WWP2: variants seen among roughly 807,000 people sequenced by gnomAD.
WWP2 encodes the protein WW domain containing E3 ubiquitin protein ligase 2.
Under a neutral mutation model 121.0 loss-of-function variants are expected in WWP2, and 57 were observed. That is an observed-to-expected ratio of 0.47 (90% CI 0.38 to 0.59). The LOEUF (loss-of-function observed/expected upper bound fraction) is 0.59. Among genes scored for constraint, WWP2 ranks in the 20% least tolerant of loss-of-function variants. The pLI, the probability that WWP2 is intolerant of heterozygous loss-of-function variation, is 0.00. For missense variants in WWP2, 962 were observed against 1,158.9 expected (o/e 0.83, Z 2.47); for synonymous variants, 449 against 441.3 (o/e 1.02, Z -0.22).
intron 10 of WWP2, chr16:69,924,999 C>T (rs530973832): frequency 8.1e-6 from 8 of 991,648 alleles, no homozygotes; most frequent in East Asian, 1.1e-4. Context: ...TCCCCTCCTG[C>T]GTGTGGTTCT....
intron 8 of WWP2, among the ~76,000 whole-genome samples, chr16:69,906,194 T>C (rs545148010): frequency 6.6e-6 from 1 of 152,078 alleles, no homozygotes; most frequent in East Asian, 1.9e-4. Context: ...TCCCTCAGCC[T>C]CCCAAGTAGC....
chr16:69,892,044 C>T (rs1030344864), intron 8 of WWP2, among the ~76,000 whole-genome samples: 4 of 152,138 alleles, frequency 2.6e-5, no homozygotes, highest in East Asian at 1.9e-4. Context: ...AGGTGCCATA[C>T]GGGCAGGGAT....
intron 6 of WWP2, among the ~76,000 whole-genome samples, chr16:69,862,214 C>T (rs150730784): frequency 0.015 from 2,270 of 152,100 alleles, 58 homozygotes; most frequent in African/African-American, 0.051. Flanking sequence ...TACAGGCATT[C>T]GCCACCATGC....
At chr16:69,773,387 C>T (rs775427221) in intron 1 of WWP2, among the ~76,000 whole-genome samples, 1 of 152,106 alleles carries the variant, frequency 6.6e-6, no homozygotes, top group African/African-American at 2.4e-5. Context: ...CTATGTTGGC[C>T]GGGCTGATCT....
intron 3 of WWP2, 44 bp downstream of exon 3, chr16:69,798,873 A>G: frequency 6.2e-7 from 1 of 1,605,902 alleles, no homozygotes; most frequent in Non-Finnish European, 8.5e-7. Flanking sequence ...AGATGGGGAA[A>G]GAGAGAGGGT....
At chr16:69,768,233 G>T (rs550370957) in intron 1 of WWP2, among the ~76,000 whole-genome samples, 13 of 152,130 alleles carry the variant, frequency 8.5e-5, no homozygotes, top group Non-Finnish European at 1.8e-4. Flanking sequence ...TTTTTAGAAG[G>T]TTGCAGTTCC....
At chr16:69,777,216 ATG>A (rs2055553463) in intron 1 of WWP2, among the ~76,000 whole-genome samples, 1 of 148,948 alleles carries the variant, frequency 6.7e-6, no homozygotes, top group African/African-American at 2.6e-5. Context: ...GATATCATAT[ATG>A]CACCTATTAA....
At chr16:69,765,749 G>A (rs889974079) in intron 1 of WWP2, among the ~76,000 whole-genome samples, 3 of 152,108 alleles carry the variant, frequency 2.0e-5, no homozygotes, top group African/African-American at 7.2e-5. Context: ...GCTTGAGCTC[G>A]GGAGATGGAG....
At position 69,873,936 on chromosome 16, in the gene WWP2, C is replaced by T. The variant is rs112498382; in HGVS notation, c.703+2005C>T. ...TTTCCCCTACATTTATTTTTAGGTA[C>T]CATTACTTGTTGTCCTTATCTCTAG... On this transcript the variant is annotated intron_variant, in intron 7 of 23. Transcript: ENST00000359154. Among the ~76,000 whole-genome samples, 8 of 152,232 alleles carry T rather than the reference C, an allele frequency of 5.3e-5. 1 individual carries two copies. Among genetic ancestry groups the T allele is most frequent in the African/African-American group, 1.9e-4 (8 of 41,538 alleles).
rs560973234 is a variant in WWP2, at chr16:69,889,997, C to G, written c.914+1748C>G. ...TGAGACAGGGTCTCACTCTGTTGCC[C>G]AGGCTGGAGTGCAGTAGTACAGTCT... On this transcript the variant is annotated intron_variant, in intron 8 of 23. Coordinates refer to ENST00000359154, the MANE Select transcript of WWP2 (RefSeq NM_001270454.2). 5.5e-4 allele frequency among the ~76,000 whole-genome samples: 84 copies of G among 152,198 alleles called. 3 individuals carry two copies. In the South Asian group the frequency reaches 0.017, roughly 30 times the overall value.
rs146906485 is a variant in WWP2, at chr16:69,933,926, G to A, written c.1683-44G>A. ...ACACAGCTCCTGTGCAGATGTGCAC[G>A]AAGGGACCCATTATTCTTGTCTTTT... On this transcript the variant is annotated intron_variant, in intron 16 of 23. Coordinates refer to ENST00000359154, the MANE Select transcript of WWP2 (RefSeq NM_001270454.2). The A allele has an allele frequency of 1.0e-4, 160 of 1,599,100 alleles. 1 individual carries two copies. In the South Asian group the frequency reaches 1.3e-3, roughly 13 times the overall value.
chr16:69,810,014 A>G (rs1157418500), intron 4 of WWP2, among the ~76,000 whole-genome samples: 11 of 152,170 alleles, frequency 7.2e-5, no homozygotes, highest in Non-Finnish European at 2.9e-5. Flanking sequence ...AGTGGGTCAC[A>G]GTGCGGTTAG....
chr16:69,913,023 T>A (rs1164540658), intron 9 of WWP2, among the ~76,000 whole-genome samples: 5 of 19,466 alleles, frequency 2.6e-4, no homozygotes, highest in South Asian at 2.5e-3. Flanking sequence ...TTTTTTTTTT[T>A]TTTTTTTTTT....
rs750108500 is a variant in WWP2, at chr16:69,917,724, A to G, written c.1020A>G (p.Thr340=). The part of the protein sequence containing the change: ...RPLPPGWEKR[T]DPRGRFYYVD... ...CTATTTCCAGCTGGGAAAAACGCAC[A>G]GATCCCCGAGGCAGGTTTTACTATG... The change falls in exon 10 of 24, where the codon ACA becomes ACG. Residue 340 remains threonine (T), a synonymous_variant. Coordinates refer to ENST00000359154, the MANE Select transcript of WWP2 (RefSeq NM_001270454.2). 1.9e-6 allele frequency: 3 copies of G among 1,603,982 alleles called. No individual in the cohort carries two copies. The Admixed American group carries it at 5.0e-5, about 27-fold the overall frequency.
At chr16:69,805,096 G>A (rs202145452) in intron 4 of WWP2, among the ~76,000 whole-genome samples, 2 of 151,422 alleles carry the variant, frequency 1.3e-5, no homozygotes, top group Admixed American at 6.6e-5. Context: ...CTGGAGTACA[G>A]TGGCATGATC....
At chr16:69,892,857 A>C (rs1441844866) in intron 8 of WWP2, among the ~76,000 whole-genome samples, 1 of 151,988 alleles carries the variant, frequency 6.6e-6, no homozygotes, top group Non-Finnish European at 1.5e-5. Context: ...TAAAAATAAA[A>C]CTCTGAGCAT....
chr16:69,802,417 C>T (rs1415617141), intron 4 of WWP2, among the ~76,000 whole-genome samples: 1 of 152,066 alleles, frequency 6.6e-6, no homozygotes, highest in African/African-American at 2.4e-5. Context: ...CCCCATCCTC[C>T]CCTCGCACCA....
intron 7 of WWP2, among the ~76,000 whole-genome samples, chr16:69,882,064 C>T (rs1178798084): frequency 1.3e-5 from 2 of 152,054 alleles, no homozygotes; most frequent in Admixed American, 1.3e-4. Flanking sequence ...AAATGATCCA[C>T]CTGCTTTGGC....
At chr16:69,887,875 C>G (rs1177288414) in intron 7 of WWP2, among the ~76,000 whole-genome samples, 164 bp from the exon 8 acceptor site, 2 of 152,194 alleles carry the variant, frequency 1.3e-5, no homozygotes, top group African/African-American at 4.8e-5. Context: ...TAATGACTTG[C>G]TGTACTTTTC....
Sources: gnomAD v4.1 joint callset for allele counts (sites outside exome capture counted in the v4.1 genomes callset) on GRCh38, gnomAD v4.1.1 for gene constraint, MANE v1.5 for transcripts, NCBI Gene and HGNC (gene_info 2026-07-23, HGNC 2026-07-21) for gene names.